IKZF2: variants seen among roughly 807,000 people sequenced by gnomAD.
The protein encoded by IKZF2 is zinc finger protein Helios.
IKZF2 carries 15 observed loss-of-function variants against 49.2 expected under a neutral mutation model. The observed-to-expected ratio is 0.30, with a 90% CI of 0.20 to 0.47. The LOEUF (loss-of-function observed/expected upper bound fraction) is 0.47, where lower values mean the gene tolerates loss of function less well. IKZF2 is among the 20% of genes least tolerant of loss of function. IKZF2 has a pLI of 1.00. For synonymous variants in IKZF2, 227 were observed against 221.4 expected, an observed-to-expected ratio of 1.03 and a Z score of -0.23; for missense variants, 567 against 664.6, an observed-to-expected ratio of 0.85 and a Z score of 1.61.
At chr2:213,040,946 C>T (rs934469177) in intron 6 of IKZF2, among the ~76,000 whole-genome samples, 8 of 151,870 alleles carry the variant, frequency 5.3e-5, no homozygotes, top group African/African-American at 1.5e-4. Flanking sequence ...GGTGAAACCC[C>T]GTCTCTACTA....
At chr2:213,041,453 C>T (rs1177899855) in intron 6 of IKZF2, among the ~76,000 whole-genome samples, 1 of 151,996 alleles carries the variant, frequency 6.6e-6, no homozygotes, top group Non-Finnish European at 1.5e-5. Flanking sequence ...CAGGCGTGTG[C>T]TATCACGCCC....
chr2:213,034,151 A>G (rs113622277), intron 6 of IKZF2, among the ~76,000 whole-genome samples: 2,188 of 152,274 alleles, frequency 0.014, 55 homozygotes, highest in African/African-American at 0.05. Context: ...AGAAAATTGA[A>G]TATTGTTAGG....
At chr2:213,072,378 T>G (rs2125498995) in intron 4 of IKZF2, among the ~76,000 whole-genome samples, 1 of 152,078 alleles carries the variant, frequency 6.6e-6, no homozygotes, top group African/African-American at 2.4e-5. Flanking sequence ...ACTCATTTTG[T>G]CGCCAGCAAA....
chr2:213,039,806 T>C (rs1193780926), intron 6 of IKZF2, among the ~76,000 whole-genome samples: 3 of 152,136 alleles, frequency 2.0e-5, no homozygotes, highest in Admixed American at 6.5e-5. Context: ...AATAGCATTA[T>C]TGAAAATATG....
At chr2:213,150,721 A>AG (rs1489629406) in intron 1 of IKZF2, among the ~76,000 whole-genome samples, 2 of 83,802 alleles carry the variant, frequency 2.4e-5, no homozygotes, top group Non-Finnish European at 4.7e-5. Flanking sequence ...GGGCGGGTAG[A>AG]GGGGAGGGAC....
At chr2:213,093,989 C>T (rs1253885465) in intron 4 of IKZF2, among the ~76,000 whole-genome samples, 1 of 152,062 alleles carries the variant, frequency 6.6e-6, no homozygotes, top group Non-Finnish European at 1.5e-5. Flanking sequence ...CGAGATATAA[C>T]TTAGAGGAAA....
intron 6 of IKZF2, among the ~76,000 whole-genome samples, chr2:213,032,017 GT>G (rs1354000609): frequency 1.3e-5 from 2 of 152,138 alleles, no homozygotes; most frequent in African/African-American, 2.4e-5. Context: ...GCTAGAGAAA[GT>G]ATAAAGGTGC....
chr2:213,055,927 A>C (rs2119521), intron 5 of IKZF2, among the ~76,000 whole-genome samples: 4,319 of 152,250 alleles, frequency 0.028, 93 homozygotes, highest in Non-Finnish European at 0.041. Flanking sequence ...ATTAGTTATT[A>C]ATATTTTACT....
chr2:213,050,275 A>G (rs1343751454), intron 5 of IKZF2, among the ~76,000 whole-genome samples: 1 of 152,182 alleles, frequency 6.6e-6, no homozygotes, highest in African/African-American at 2.4e-5. Context: ...TAACAAATGA[A>G]GAAATTAAAG....
chr2:213,146,298 C>A (rs2061056243), intron 4 of IKZF2, among the ~76,000 whole-genome samples: 1 of 151,956 alleles, frequency 6.6e-6, no homozygotes. Context: ...TTTATCAAAT[C>A]AACTAGCAAA....
chr2:213,087,200 A>T (rs1704725182), intron 4 of IKZF2, among the ~76,000 whole-genome samples: 1 of 152,164 alleles, frequency 6.6e-6, no homozygotes, highest in Non-Finnish European at 1.5e-5. Flanking sequence ...AGGAAAAAAA[A>T]TGCTAATTTA....
chr2:213,086,164 T>C (rs1049021603), intron 4 of IKZF2, among the ~76,000 whole-genome samples: 2 of 152,196 alleles, frequency 1.3e-5, no homozygotes, highest in African/African-American at 4.8e-5. Context: ...TAAAACACTG[T>C]ACTAGTGAAC....
rs1298985571 is a variant in IKZF2 at position 213,001,274 on chromosome 2, T to C, written c.*6086A>G. On this transcript the variant is annotated 3_prime_UTR_variant, in exon 9 of 9. Transcript: ENST00000434687. ...ACCTGGAATATTATTATAGTAATGT[T>C]AAAGCATTTTTCTCCCAATTAGGAG... is the stretch of plus-strand genomic sequence containing the variant. 1 of 151,982 alleles carries C rather than the reference T, an allele frequency of 6.6e-6. No homozygotes were observed. Among genetic ancestry groups the C allele is most frequent in the Non-Finnish European group, 1.5e-5 (1 of 67,618 alleles). The allele number at this position is 151,982 out of a possible 1,614,324, so 9.4% of individuals were successfully genotyped here.
At chr2:213,016,289 A>G (rs1171994500) in intron 7 of IKZF2, among the ~76,000 whole-genome samples, 2 of 152,130 alleles carry the variant, frequency 1.3e-5, no homozygotes, top group African/African-American at 4.8e-5. Context: ...TAATTTCCTC[A>G]GGGTTTACAT....
At chr2:213,142,042 G>A (rs2125956365) in intron 4 of IKZF2, among the ~76,000 whole-genome samples, 2 of 152,080 alleles carry the variant, frequency 1.3e-5, no homozygotes, top group East Asian at 3.9e-4. Context: ...CATCAAATGA[G>A]GTTAGATTTT....
chr2:213,150,793 CA>C (rs1362155657), intron 1 of IKZF2, among the ~76,000 whole-genome samples: 2 of 149,256 alleles, frequency 1.3e-5, no homozygotes, highest in African/African-American at 4.9e-5. Context: ...TGGCCCTTGG[CA>C]AAAAAGAAAA....
At chr2:213,018,477 C>T (rs1400368626) in intron 7 of IKZF2, among the ~76,000 whole-genome samples, 1 of 152,086 alleles carries the variant, frequency 6.6e-6, no homozygotes, top group Non-Finnish European at 1.5e-5. Flanking sequence ...GTTGCCTCTT[C>T]ATCTTTTTCT....
At chr2:213,128,932 G>A (rs2060373620) in intron 4 of IKZF2, among the ~76,000 whole-genome samples, 1 of 151,264 alleles carries the variant, frequency 6.6e-6, no homozygotes, top group Admixed American at 6.6e-5. Context: ...GATTACAGGC[G>A]TGAGCCACCA....
Position 213,076,149 on chromosome 2 carries a change from T to C in IKZF2, c.140-19050A>G, listed in dbSNP as rs974903313. ...TTTTTTAAACAGGCAGGGAAAAAAG[T>C]GAACGGAAGTAAACTTCATGAAACC... On this transcript the variant is annotated intron_variant, in intron 4 of 8. Transcript: ENST00000434687. Among the ~76,000 whole-genome samples, 4 of 151,856 alleles carry C rather than the reference T, an allele frequency of 2.6e-5. No individual in the cohort carries two copies. The East Asian group carries it at 5.8e-4, about 22-fold the overall frequency.
Sources: gnomAD v4.1 joint callset for allele counts (sites outside exome capture counted in the v4.1 genomes callset) on GRCh38, gnomAD v4.1.1 for gene constraint, MANE v1.5 for transcripts, NCBI Gene and HGNC (gene_info 2026-07-23, HGNC 2026-07-21) for gene names.